CDR2L: variants seen among roughly 807,000 people sequenced by gnomAD.
CDR2L encodes cerebellar degeneration-related protein 2-like.
CDR2L carries 19 observed loss-of-function variants against 36.1 expected under a neutral mutation model. That is an observed-to-expected ratio of 0.53 (90% CI 0.37 to 0.77). The LOEUF is 0.77. Ranked by LOEUF, CDR2L falls within the 30% of genes least tolerant of loss-of-function variation. CDR2L has a pLI of 0.00. For synonymous variants in CDR2L, 285 were observed against 280.4 expected (o/e 1.02, Z -0.16); for missense variants, 575 against 627.2 (o/e 0.92, Z 0.89).
At position 74,988,033 on chromosome 17, in the gene CDR2L, C is replaced by T; in HGVS notation, c.-11C>T. The T allele has an allele frequency of 1.3e-6, 2 of 1,513,458 alleles. No homozygotes were observed. The highest frequency in any genetic ancestry group is 1.8e-6 in the Non-Finnish European group (2 of 1,132,166). 93.8% of individuals were successfully genotyped at this position (1,513,458 alleles called of 1,614,324 possible). Reference sequence around the variant, plus strand: ...GCGCCGCCGCAGCACCCGCCCGCCGCCCGCGGGGCCATGCGGAGAGCCGCC... The same window carrying T: ...GCGCCGCCGCAGCACCCGCCCGCCGTCCGCGGGGCCATGCGGAGAGCCGCC... On this transcript the variant is annotated 5_prime_UTR_variant, in exon 1 of 5. Coordinates refer to ENST00000337231, the MANE Select transcript of CDR2L (RefSeq NM_014603.3).
chr17:74,998,142 G>A (rs973240499), intron 1 of CDR2L, among the ~76,000 whole-genome samples: 4 of 151,844 alleles, frequency 2.6e-5, no homozygotes, highest in African/African-American at 9.7e-5. Flanking sequence ...AATGGTTAGC[G>A]TGAACCTGGG....
At chr17:74,994,165 A>C (rs1467562342) in intron 1 of CDR2L, among the ~76,000 whole-genome samples, 1 of 152,216 alleles carries the variant, frequency 6.6e-6, no homozygotes, top group African/African-American at 2.4e-5. Context: ...AATGCATAGC[A>C]AGGGCTCAGC....
At position 75,003,327 on chromosome 17, in the gene CDR2L, G is replaced by A. The variant is rs899792201; in HGVS notation, c.651G>A (p.Glu217=). 1 of 1,555,352 alleles carries A rather than the reference G, an allele frequency of 6.4e-7. No individual in the cohort carries two copies. ...SQERQRKERA[E]REYTAVLQEY... ...AGCGGCAGCGCAAGGAGCGGGCGGA[G>A]CGCGAGTACACCGCGGTGCTGCAGG... is the stretch of plus-strand genomic sequence containing the variant. Residue 217 remains glutamate, a synonymous_variant, in exon 5 of 5, where the codon GAG becomes GAA. Transcript: ENST00000337231.
At chr17:75,001,980 C>A in intron 3 of CDR2L, 84 bp from the exon 4 acceptor site, 1 of 1,237,598 alleles carries the variant, frequency 8.1e-7, no homozygotes, top group Non-Finnish European at 1.1e-6. Flanking sequence ...CAACGTCCCT[C>A]CATCTTCAGG....
Position 75,000,711 on chromosome 17 carries a change from G to A in CDR2L, c.193-630G>A, listed in dbSNP as rs554732438. Among the ~76,000 whole-genome samples, 71 of 149,162 alleles carry A rather than the reference G, an allele frequency of 4.8e-4. No homozygotes were observed. The East Asian group carries it at 0.013, about 26-fold the overall frequency. Reference sequence around the variant, plus strand: ...GGGCAGATCACGAGGTCAGGAGATCGAGACCATCCTGGCTAACACGGTGAA... The same window carrying A: ...GGGCAGATCACGAGGTCAGGAGATCAAGACCATCCTGGCTAACACGGTGAA... On this transcript the variant is annotated intron_variant, in intron 2 of 4. Coordinates refer to ENST00000337231, the MANE Select transcript of CDR2L (RefSeq NM_014603.3).
intron 1 of CDR2L, 44 bp downstream of exon 1, chr17:74,988,166 G>A: frequency 1.5e-6 from 2 of 1,367,596 alleles, no homozygotes; most frequent in Non-Finnish European, 2.0e-6. Context: ...GGAGCGCCCG[G>A]TGACCCCTGT....
In CDR2L at chr17:75,003,336, C is replaced by G. The variant is rs1417907859; in HGVS notation, c.660C>G (p.Tyr220Ter). 6.4e-7 allele frequency: 1 copy of G among 1,555,796 alleles called. No individual in the cohort carries two copies. The highest frequency in any genetic ancestry group is 8.7e-7 in the Non-Finnish European group (1 of 1,150,518). ...GCAAGGAGCGGGCGGAGCGCGAGTA[C>G]ACCGCGGTGCTGCAGGAGTACTCGG... Reference protein sequence around the residue: ...RQRKERAEREYTAVLQEYSEL... With the variant: ...RQRKERAERE Residue 220 changes from tyrosine to a stop codon, truncating the protein, a stop_gained, in exon 5 of 5, where the codon TAC becomes TAG. Coordinates refer to ENST00000337231, the MANE Select transcript of CDR2L (RefSeq NM_014603.3). LOFTEE classifies it high-confidence loss of function.
chr17:74,997,434 G>C (rs901717688), intron 1 of CDR2L, among the ~76,000 whole-genome samples: 1 of 152,050 alleles, frequency 6.6e-6, no homozygotes, highest in African/African-American at 2.4e-5. Context: ...GAGCCTCCCG[G>C]GGAGAGTGAA....
At chr17:74,990,518 G>T (rs906243803) in intron 1 of CDR2L, among the ~76,000 whole-genome samples, 2 of 152,388 alleles carry the variant, frequency 1.3e-5, no homozygotes, top group East Asian at 3.9e-4. Context: ...GAGGGGTTCT[G>T]CAGCTGTAGG....
Position 75,002,174 on chromosome 17 carries a change from G to T in CDR2L, c.452G>T (p.Arg151Leu), listed in dbSNP as rs763230084. 1.9e-6 allele frequency: 3 copies of T among 1,608,874 alleles called. No individual in the cohort carries two copies. In the South Asian group the frequency reaches 3.3e-5, roughly 18 times the overall value. The stretch of plus-strand genomic sequence containing the variant: ...CGAGTGCTCCGGGAGAAGCGGGAAC[G>T]CAGGCGTACCATCCACACCTTCCCC... ...QLRVLREKRE[R>L]RRTIHTFPCL... is the part of the protein sequence containing the mutation. The change falls in exon 4 of 5, where the codon CGC (arginine) becomes CTC (leucine). Residue 151 changes from arginine to leucine, a missense_variant. Transcript: ENST00000337231. This position sits in a 1 kb window ranked among gnomAD's most constrained non-coding sequence, Gnocchi z 4.1.
intron 1 of CDR2L, among the ~76,000 whole-genome samples, chr17:74,996,036 T>C (rs1262028465): frequency 2.6e-5 from 4 of 151,900 alleles, no homozygotes; most frequent in Non-Finnish European, 4.4e-5. Flanking sequence ...TAACACACAA[T>C]ACAATTCACT....
At position 75,005,555 on chromosome 17, in the gene CDR2L, CCTT is replaced by C. The variant is rs1251301073; in HGVS notation, c.*1484_*1486del. On this transcript the variant is annotated 3_prime_UTR_variant, in exon 5 of 5. Coordinates refer to ENST00000337231, the MANE Select transcript of CDR2L (RefSeq NM_014603.3). This position sits in a 1 kb window ranked among gnomAD's most constrained non-coding sequence, Gnocchi z 4.2. ...TGATGGGAGCTGGTGGCGACTGAGT[CCTT>C]CTGTACGTGCAACTGGGAAACTTTT... The C allele has an allele frequency of 6.5e-6, 1 of 152,764 alleles. No individual in the cohort carries two copies. Among genetic ancestry groups the C allele is most frequent in the Admixed American group, 6.5e-5 (1 of 15,278 alleles). The allele number at this position is 152,764 out of a possible 1,614,324, so 9.5% of individuals were successfully genotyped here.
intron 1 of CDR2L, among the ~76,000 whole-genome samples, chr17:74,995,206 C>CT (rs768913883): frequency 1.3e-5 from 2 of 151,190 alleles, no homozygotes; most frequent in Non-Finnish European, 2.9e-5. Context: ...CCAGTCTACA[C>CT]TTTCTTTTTT....
chr17:74,993,813 A>T (rs896962149), intron 1 of CDR2L, among the ~76,000 whole-genome samples: 3 of 152,168 alleles, frequency 2.0e-5, no homozygotes, highest in Admixed American at 1.3e-4. Flanking sequence ...TCTCCAGATG[A>T]CACAGGGCCC....
Position 75,004,323 on chromosome 17 carries a change from C to A in CDR2L, c.*249C>A. The A allele has an allele frequency of 2.2e-6, 1 of 447,308 alleles. No individual in the cohort carries two copies. The highest frequency in any genetic ancestry group is 4.0e-6 in the Non-Finnish European group (1 of 251,850). The allele number at this position is 447,308 out of a possible 1,614,324, so 27.7% of individuals were successfully genotyped here. A position where few individuals can be genotyped will look rare whatever the true frequency, so the allele number is the denominator to read the frequency against. On this transcript the variant is annotated 3_prime_UTR_variant, in exon 5 of 5. Transcript: ENST00000337231. ...CTGAGTTCAAAGCCAAATGTCCCCA[C>A]TACCCCAGGGATCCCCCAGCTCCCC...
At position 75,003,603 on chromosome 17, in the gene CDR2L, A is replaced by G; in HGVS notation, c.927A>G (p.Pro309=). ...GGGTCTCCTCACCGGCAGCCTCTCC[A>G]GGCCACGTGGTGCGCAAGAGCTGCA... ...QDGVSSPAAS[P]GHVVRKSCSD... Residue 309 remains proline, a synonymous_variant, in exon 5 of 5, where the codon CCA becomes CCG. Coordinates refer to ENST00000337231, the MANE Select transcript of CDR2L (RefSeq NM_014603.3). 5 of 1,496,308 alleles carry G rather than the reference A, an allele frequency of 3.3e-6. No individual in the cohort carries two copies. The highest frequency in any genetic ancestry group is 4.5e-6 in the Non-Finnish European group (5 of 1,123,146). The allele number at this position is 1,496,308 out of a possible 1,614,324, so 92.7% of individuals were successfully genotyped here.
chr17:75,005,654 G>A lies in CDR2L; in HGVS notation c.*1580G>A, dbSNP rs1436157189. ...ATCTGGGGGAGAGGAGTGTGGAAGGGTTGGGGGAAGAGCTCCAGCCTGTCT... is the reference window on the plus strand; with the variant it reads ...ATCTGGGGGAGAGGAGTGTGGAAGGATTGGGGGAAGAGCTCCAGCCTGTCT... On this transcript the variant is annotated 3_prime_UTR_variant, in exon 5 of 5. Coordinates refer to ENST00000337231, the MANE Select transcript of CDR2L (RefSeq NM_014603.3). The surrounding 1 kb of genome is among the most constrained non-coding windows in gnomAD (Gnocchi z 4.2). 1 of 152,822 alleles carries A rather than the reference G, an allele frequency of 6.5e-6. No homozygotes were observed. The highest frequency in any genetic ancestry group is 1.5e-5 in the Non-Finnish European group (1 of 68,208). 9.5% of individuals were successfully genotyped at this position (152,822 alleles called of 1,614,324 possible).
chr17:74,990,197 C>T lies in CDR2L; in HGVS notation c.79+2075C>T, dbSNP rs541340223. ...TTGAGAGAGAGAAGGATCTGAGACTCCAGCTGCGCTGGGTGGCCGTGCTCT... is the reference window on the plus strand; with the variant it reads ...TTGAGAGAGAGAAGGATCTGAGACTTCAGCTGCGCTGGGTGGCCGTGCTCT... On this transcript the variant is annotated intron_variant, in intron 1 of 4. Coordinates refer to ENST00000337231, the MANE Select transcript of CDR2L (RefSeq NM_014603.3). 4.6e-5 allele frequency among the ~76,000 whole-genome samples: 7 copies of T among 152,314 alleles called. No homozygotes were observed. The South Asian group carries it at 1.5e-3, about 32-fold the overall frequency.
intron 3 of CDR2L, 41 bp downstream of exon 3, chr17:75,001,530 G>T (rs1305478891): frequency 1.4e-6 from 2 of 1,473,168 alleles, no homozygotes; most frequent in Non-Finnish European, 1.8e-6. Context: ...GCGAGGGAGA[G>T]CCCCAGGGCT....
Sources: gnomAD v4.1 joint callset for allele counts (sites outside exome capture counted in the v4.1 genomes callset) on GRCh38, gnomAD v4.1.1 for gene constraint, Gnocchi (gnomAD v3.1) non-coding constraint, MANE v1.5 for transcripts, NCBI Gene and HGNC (gene_info 2026-07-23, HGNC 2026-07-21) for gene names.